Variants in ELP4 observed in about 807,000 individuals in gnomAD.
ELP4 encodes the protein elongator acetyltransferase complex subunit 4, also known as elongator complex protein 4.
A neutral mutation model predicts 48.9 loss-of-function variants in ELP4; 51 were observed. The observed-to-expected ratio is 1.04, with a 90% CI of 0.83 to 1.32. The LOEUF (loss-of-function observed/expected upper bound fraction) is 1.32, where lower values mean the gene tolerates loss of function less well. Ranked by LOEUF, ELP4 falls within the 40% of genes most tolerant of loss-of-function variation. The probability of loss-of-function intolerance (pLI) is 0.00; values close to 1 mark genes in which losing one functional copy is unlikely to be tolerated. For synonymous variants in ELP4, 210 were observed against 189.2 expected (o/e 1.11, Z -0.90); for missense variants, 519 against 514.6 (o/e 1.01, Z -0.08).
intron 9 of ELP4, among the ~76,000 whole-genome samples, chr11:31,744,396 G>T (rs1391198886): frequency 1.3e-5 from 2 of 152,130 alleles, no homozygotes; most frequent in African/African-American, 4.8e-5. Flanking sequence ...ATTTTATGAG[G>T]CCAGCATCAT....
intron 9 of ELP4, among the ~76,000 whole-genome samples, chr11:31,772,200 A>G (rs1948160470): frequency 6.8e-6 from 1 of 146,974 alleles, no homozygotes; most frequent in Non-Finnish European, 1.5e-5. Context: ...GCTCACTGCA[A>G]CCTCCACATC....
At chr11:31,712,175 A>G (rs1469552553) in intron 9 of ELP4, among the ~76,000 whole-genome samples, 2 of 152,164 alleles carry the variant, frequency 1.3e-5, no homozygotes, top group African/African-American at 4.8e-5. Context: ...TTCACTAACT[A>G]TGGCAATACT....
chr11:31,638,493 A>G (rs1035767904), intron 7 of ELP4, among the ~76,000 whole-genome samples: 1 of 151,876 alleles, frequency 6.6e-6, no homozygotes, highest in Non-Finnish European at 1.5e-5. Context: ...ATCTCATTGA[A>G]GAAAACTATT....
chr11:31,643,709 T>C (rs1277591249), intron 7 of ELP4, among the ~76,000 whole-genome samples: 2 of 151,868 alleles, frequency 1.3e-5, no homozygotes, highest in Non-Finnish European at 2.9e-5. Flanking sequence ...CTTCCTTAAT[T>C]TAAAATCCAT....
Position 31,568,637 on chromosome 11 carries a change from C to T in ELP4, c.382-26133C>T, listed in dbSNP as rs369513302. On this transcript the variant is annotated intron_variant, in intron 3 of 9. Transcript: ENST00000640961. ...AGAAATAAAGCCATACACTGACAAT[C>T]ATCTGATCTTTGACAAAGTAGACAA... Among the ~76,000 whole-genome samples the T allele has an allele frequency of 1.1e-4, 16 of 152,246 alleles. No individual in the cohort carries two copies. The East Asian group carries it at 2.9e-3, about 28-fold the overall frequency.
intron 9 of ELP4, among the ~76,000 whole-genome samples, chr11:31,656,651 A>G (rs1945441257): frequency 6.6e-6 from 1 of 152,006 alleles, no homozygotes; most frequent in East Asian, 1.9e-4. Context: ...GCAAAGTCAA[A>G]TATTTAGAAT....
At chr11:31,550,196 A>G (rs746317230) in intron 3 of ELP4, among the ~76,000 whole-genome samples, 7 of 152,158 alleles carry the variant, frequency 4.6e-5, no homozygotes, top group Non-Finnish European at 1.0e-4. Flanking sequence ...TATCAGAAGG[A>G]CTGGAAATAA....
intron 2 of ELP4, among the ~76,000 whole-genome samples, chr11:31,536,036 A>T (rs773281564): frequency 1.3e-5 from 2 of 152,186 alleles, no homozygotes; most frequent in Non-Finnish European, 2.9e-5. Flanking sequence ...CCAATCCTGG[A>T]TGTCCTTGGT....
chr11:31,634,605 C>G (rs1222384651), intron 7 of ELP4, among the ~76,000 whole-genome samples: 2 of 151,340 alleles, frequency 1.3e-5, no homozygotes, highest in African/African-American at 4.9e-5. Context: ...CAGATTCTAT[C>G]AGATGACCTC....
At chr11:31,639,514 C>G (rs1170098286) in intron 7 of ELP4, among the ~76,000 whole-genome samples, 1 of 151,810 alleles carries the variant, frequency 6.6e-6, no homozygotes, top group Non-Finnish European at 1.5e-5. Context: ...TTTTTAAAGT[C>G]ACATCATAGC....
intron 3 of ELP4, among the ~76,000 whole-genome samples, chr11:31,567,253 A>G (rs951358939): frequency 7.2e-5 from 11 of 152,150 alleles, no homozygotes; most frequent in African/African-American, 2.7e-4. Context: ...CTTAAAGGTG[A>G]TGCAATATTG....
chr11:31,594,680 G>A lies in ELP4; in HGVS notation c.382-90G>A, dbSNP rs1186947911. On this transcript the variant is annotated intron_variant, in intron 3 of 9. Transcript: ENST00000640961. ...GTTAGTCATGAATTTTCAATACATT[G>A]GAAATTTCTAGTGTTGCTAATATTA... 3.7e-6 allele frequency: 3 copies of A among 804,294 alleles called. No homozygotes were observed. The African/African-American group carries it at 5.4e-5, about 15-fold the overall frequency. 49.8% of individuals were successfully genotyped at this position (804,294 alleles called of 1,614,324 possible).
chr11:31,623,764 T>TAA (rs1181080004), intron 5 of ELP4, among the ~76,000 whole-genome samples: 1 of 143,934 alleles, frequency 6.9e-6, no homozygotes, highest in Non-Finnish European at 1.5e-5. Flanking sequence ...ATCAACAGAG[T>TAA]AAAAAAAAAA....
rs915045247 is a variant in ELP4 at position 31,788,572 on chromosome 11, A to G, written c.*5048A>G. 6 of 222,288 alleles carry G rather than the reference A, an allele frequency of 2.7e-5. No homozygotes were observed. The highest frequency in any genetic ancestry group is 1.4e-3 in the Middle Eastern group (1 of 738). The allele number at this position is 222,288 out of a possible 1,614,324, so 13.8% of individuals were successfully genotyped here. ...AAATCATTGTTGAAATAGGCTGACA[A>G]TGGAAATCTGCCCAGATTGAAAATG... On this transcript the variant is annotated 3_prime_UTR_variant, in exon 10 of 10. Coordinates refer to ENST00000640961, the MANE Select transcript of ELP4 (RefSeq NM_019040.5).
intron 9 of ELP4, among the ~76,000 whole-genome samples, chr11:31,686,850 C>T (rs1362276722): frequency 6.9e-6 from 1 of 145,960 alleles, no homozygotes; most frequent in Non-Finnish European, 1.5e-5. Context: ...GCCTGGGCAA[C>T]AGAGTGAGAC....
chr11:31,783,624 T>A lies in ELP4; in HGVS notation c.*100T>A, dbSNP rs1461844850. 8.7e-7 allele frequency: 1 copy of A among 1,153,842 alleles called. No individual in the cohort carries two copies. Among genetic ancestry groups the A allele is most frequent in the Non-Finnish European group, 1.2e-6 (1 of 844,098 alleles). The allele number at this position is 1,153,842 out of a possible 1,614,324, so 71.5% of individuals were successfully genotyped here. On this transcript the variant is annotated 3_prime_UTR_variant, in exon 10 of 10. Transcript: ENST00000640961. ...TTTTCTTAACAATTTGACCCTCCAC[T>A]CCTTGAAAAACACAGGATTATAAAA...
intron 1 of ELP4, among the ~76,000 whole-genome samples, chr11:31,518,609 G>A (rs1204311282): frequency 2.7e-5 from 4 of 149,050 alleles, no homozygotes; most frequent in Non-Finnish European, 5.9e-5. Flanking sequence ...AAATTCTCGT[G>A]TCTCAGGCTG....
At chr11:31,765,578 A>G (rs973670628) in intron 9 of ELP4, among the ~76,000 whole-genome samples, 1 of 152,124 alleles carries the variant, frequency 6.6e-6, no homozygotes, top group African/African-American at 2.4e-5. Flanking sequence ...ATCTTTATCA[A>G]AGAGATGAGT....
chr11:31,640,113 C>T (rs1945061070), intron 7 of ELP4, among the ~76,000 whole-genome samples: 1 of 151,810 alleles, frequency 6.6e-6, no homozygotes, highest in South Asian at 2.1e-4. Context: ...GTGGGGAGCC[C>T]TGTGTGTTCA....
Sources: allele counts gnomAD v4.1 joint callset (sites outside exome capture counted in the v4.1 genomes callset), GRCh38; gene constraint gnomAD v4.1.1; transcripts MANE v1.5; gene names NCBI Gene and HGNC (gene_info 2026-07-23, HGNC 2026-07-21).